Variants in DBN1 observed in about 807,000 individuals in gnomAD.
The protein encoded by DBN1 is drebrin.
In DBN1, 21 loss-of-function variants were observed where a neutral mutation model predicts 83.5. That is an observed-to-expected ratio of 0.25 (90% CI 0.18 to 0.36). DBN1 has a LOEUF of 0.36. DBN1 is among the 10% of genes least tolerant of loss of function. The pLI, the probability that DBN1 is intolerant of heterozygous loss-of-function variation, is 1.00. For synonymous variants in DBN1, 381 were observed against 384.9 expected, an observed-to-expected ratio of 0.99 and a Z score of 0.12; for missense variants, 874 against 935.7, an observed-to-expected ratio of 0.93 and a Z score of 0.86.
chr5:177,473,339 CT>C (rs1336754485), intron 1 of DBN1, 96 bp downstream of exon 1: 5 of 715,066 alleles, frequency 7.0e-6, no homozygotes, highest in Non-Finnish European at 1.0e-5. Flanking sequence ...CGGGGTCCCC[CT>C]CCCTTCCCGG....
At position 177,457,478 on chromosome 5, in the gene DBN1, T is replaced by C; in HGVS notation, c.2043A>G (p.Ala681=). The part of the protein sequence containing the change: ...PPEIDITCWD[A]DPVPEEEEGF... ...CCTCCTCCTCTTCTGGAACTGGGTC[T>C]GCATCCCAGCATGTGATGTCGATCT... is the stretch of plus-strand genomic sequence containing the variant. Residue 681 remains alanine (A), a synonymous_variant, in exon 15 of 15, where the codon GCA becomes GCG. Coordinates refer to ENST00000393565, the MANE Select transcript of DBN1 (RefSeq NM_001363541.2). 6.2e-7 allele frequency: 1 copy of C among 1,614,174 alleles called. No individual in the cohort carries two copies. The highest frequency in any genetic ancestry group is 1.1e-5 in the South Asian group (1 of 91,082).
At position 177,467,618 on chromosome 5, in the gene DBN1, C is replaced by T. The variant is rs752861304; in HGVS notation, c.340G>A (p.Val114Met). Residue 114 changes from valine (V) to methionine (M), a missense_variant, in exon 5 of 15, where the codon GTG (valine) becomes ATG (methionine). By Grantham distance (21) the Val-to-Met change is conservative (BLOSUM62 1). This residue lies in a region of DBN1 where 65 missense variants were observed against 97.3 expected (regional missense o/e 0.67). Transcript: ENST00000393565. The surrounding 1 kb of genome is among the most constrained non-coding windows in gnomAD (Gnocchi z 9.1). ...TCCACGCTGCTGGCGTTCACGATCA[C>T]GTCGACACCCTTCCGCAAGAAGACG... ...KVAEFFQGVDVIVNASSVEDI... is the reference protein window; with the variant it reads ...KVAEFFQGVDMIVNASSVEDI... 7.6e-6 allele frequency: 12 copies of T among 1,572,864 alleles called. No homozygotes were observed. The highest frequency in any genetic ancestry group is 2.3e-5 in the South Asian group (2 of 86,374).
chr5:177,466,567 A>G lies in DBN1; in HGVS notation c.771+205T>C, dbSNP rs1303419399. ...TCCAATCTAGAGCACAAGCTTCTCCAAAGTAGTCTTTTTCCACGGCCAGAG... is the reference window on the plus strand; with the variant it reads ...TCCAATCTAGAGCACAAGCTTCTCCGAAGTAGTCTTTTTCCACGGCCAGAG... On this transcript the variant is annotated intron_variant, in intron 8 of 14. Coordinates refer to ENST00000393565, the MANE Select transcript of DBN1 (RefSeq NM_001363541.2). This position sits in a 1 kb window ranked among gnomAD's most constrained non-coding sequence, Gnocchi z 4.8. Among the ~76,000 whole-genome samples the G allele has an allele frequency of 6.6e-6, 1 of 152,206 alleles. No homozygotes were observed. Among genetic ancestry groups the G allele is most frequent in the Non-Finnish European group, 1.5e-5 (1 of 68,034 alleles).
chr5:177,471,734 T>C (rs548160421), intron 1 of DBN1, among the ~76,000 whole-genome samples: 4 of 152,068 alleles, frequency 2.6e-5, no homozygotes, highest in Non-Finnish European at 5.9e-5. Context: ...ACAACCCAGA[T>C]GGGGGCTGAC....
Position 177,466,638 on chromosome 5 carries a change from A to C in DBN1, c.771+134T>G, listed in dbSNP as rs1581730313. The C allele has an allele frequency of 9.9e-7, 1 of 1,006,392 alleles. No homozygotes were observed. Among genetic ancestry groups the C allele is most frequent in the Non-Finnish European group, 1.6e-6 (1 of 636,120 alleles). The allele number at this position is 1,006,392 out of a possible 1,614,324, so 62.3% of individuals were successfully genotyped here. A position where few individuals can be genotyped will look rare whatever the true frequency, so the allele number is the denominator to read the frequency against. On this transcript the variant is annotated intron_variant, in intron 8 of 14. Transcript: ENST00000393565. This position sits in a 1 kb window ranked among gnomAD's most constrained non-coding sequence, Gnocchi z 4.8. ...GGTGCCAGGCCTCATGCTCCATGGC[A>C]CCCTGTGCCCATGCAGCTCCCCAGA...
chr5:177,471,026 C>A (rs1757806686), intron 1 of DBN1, among the ~76,000 whole-genome samples: 1 of 152,090 alleles, frequency 6.6e-6, no homozygotes, highest in African/African-American at 2.4e-5. Context: ...GTCCAGCACA[C>A]CGCATACCAG....
At chr5:177,470,539 A>T (rs1403083665) in intron 1 of DBN1, among the ~76,000 whole-genome samples, 2 of 151,928 alleles carry the variant, frequency 1.3e-5, no homozygotes, top group African/African-American at 4.8e-5. Context: ...CTGCCTTTCC[A>T]TTGGACCACC....
chr5:177,465,760 C>T (rs578161595), intron 8 of DBN1, among the ~76,000 whole-genome samples: 2 of 149,896 alleles, frequency 1.3e-5, no homozygotes, highest in Admixed American at 6.7e-5. Flanking sequence ...GAGGCTGAGG[C>T]GGGAGAATCG....
chr5:177,459,156 C>T lies in DBN1; in HGVS notation c.1206G>A (p.Leu402=), dbSNP rs747305657. 50 of 1,610,950 alleles carry T rather than the reference C, an allele frequency of 3.1e-5. No homozygotes were observed. Among genetic ancestry groups the T allele is most frequent in the Admixed American group, 2.2e-4 (13 of 59,528 alleles). ...GAGGCTGCGAGGAGGTGACCTCATC[C>T]AGGGCCCGCTCTATCTGCTCAGCGA... ...TPVAEQIERA[L]DEVTSSQPPP... is the part of the protein sequence containing the mutation. The change falls in exon 12 of 15, where the codon CTG becomes CTA. Residue 402 remains leucine (L), a synonymous_variant. Transcript: ENST00000393565.
At position 177,467,200 on chromosome 5, in the gene DBN1, G is replaced by A. The variant is rs1040286218; in HGVS notation, c.555+55C>T. On this transcript the variant is annotated intron_variant, in intron 6 of 14. Coordinates refer to ENST00000393565, the MANE Select transcript of DBN1 (RefSeq NM_001363541.2). This position sits in a 1 kb window ranked among gnomAD's most constrained non-coding sequence, Gnocchi z 9.1. ...CCACTGCAGTGAGGGACTCAGACCT[G>A]CCCCATGGGGTCCATGAGGGGTGGC... The A allele has an allele frequency of 1.9e-6, 3 of 1,600,936 alleles. No individual in the cohort carries two copies. Among genetic ancestry groups the A allele is most frequent in the African/African-American group, 2.7e-5 (2 of 74,700 alleles).
intron 12 of DBN1, 129 bp downstream of exon 12, chr5:177,458,969 G>C (rs932226844): frequency 6.9e-7 from 1 of 1,454,204 alleles, no homozygotes; most frequent in Non-Finnish European, 9.1e-7. Context: ...CCACACAGCC[G>C]CCTCCAGGGC....
chr5:177,459,842 A>C, intron 10 of DBN1, 102 bp from the exon 11 acceptor site: 1 of 1,290,794 alleles, frequency 7.7e-7, no homozygotes, highest in African/African-American at 1.5e-5. Context: ...CTGGCCCTGG[A>C]TGTCCAAGCT....
In DBN1 at chr5:177,467,060, C is replaced by T; in HGVS notation, c.558G>A (p.Lys186=). Residue 186 remains lysine (K), a splice_region_variant and synonymous_variant, in exon 7 of 15, where the codon AAG becomes AAA. Transcript: ENST00000393565. The surrounding 1 kb of genome is among the most constrained non-coding windows in gnomAD (Gnocchi z 9.1). ...NREQFWEQAK[K]EEELRKEEER... ...CCTCCTCCTTCCGCAGCTCTTCTTCCTTCTGCAAGCCCCGGTGCGAACAAG... is the reference window on the plus strand; with the variant it reads ...CCTCCTCCTTCCGCAGCTCTTCTTCTTTCTGCAAGCCCCGGTGCGAACAAG... 1 of 1,613,836 alleles carries T rather than the reference C, an allele frequency of 6.2e-7. No individual in the cohort carries two copies. Among genetic ancestry groups the T allele is most frequent in the East Asian group, 2.2e-5 (1 of 44,872 alleles).
intron 8 of DBN1, chr5:177,462,487 T>A: frequency 5.1e-6 from 4 of 780,434 alleles, no homozygotes; most frequent in Non-Finnish European, 6.2e-6. Context: ...TCCACCACGA[T>A]GACACCACAT....
At position 177,467,571 on chromosome 5, in the gene DBN1, G is replaced by A. The variant is rs745400547; in HGVS notation, c.387C>T (p.Ile129=). ...SSVEDIDAGA[I]GQRLSNGLAR... is the part of the protein sequence containing the mutation. ...CCAGCCCGTTAGAGAGCCGCTGCCC[G>A]ATGGCACCCGCGTCTATGTCTTCCA... The change falls in exon 5 of 15, where the codon ATC becomes ATT. Residue 129 remains isoleucine, a synonymous_variant. Transcript: ENST00000393565. The surrounding 1 kb of genome is among the most constrained non-coding windows in gnomAD (Gnocchi z 9.1). 27 of 1,566,340 alleles carry A rather than the reference G, an allele frequency of 1.7e-5. No individual in the cohort carries two copies. Among genetic ancestry groups the A allele is most frequent in the East Asian group, 4.8e-5 (2 of 42,028 alleles).
In DBN1 at chr5:177,459,187, G is replaced by A. The variant is rs1274714017; in HGVS notation, c.1175C>T (p.Thr392Ile). 8 of 1,611,492 alleles carry A rather than the reference G, an allele frequency of 5.0e-6. No homozygotes were observed. The highest frequency in any genetic ancestry group is 1.1e-5 in the South Asian group (1 of 90,938). The change falls in exon 12 of 15, where the codon ACC becomes ATC. Residue 392 changes from threonine (T) to isoleucine (I), a missense_variant. Transcript: ENST00000393565. ...CCGCTCTATCTGCTCAGCGACAGGG[G>A]TGGAGGCGGTGCTGGAGTCAGACGG... ...RSPSDSSTASTPVAEQIERAL... is the reference protein window; with the variant it reads ...RSPSDSSTASIPVAEQIERAL...
chr5:177,460,602 T>C (rs754980482), intron 9 of DBN1, 42 bp downstream of exon 9: 7 of 1,614,144 alleles, frequency 4.3e-6, no homozygotes, highest in Non-Finnish European at 5.9e-6. Context: ...CAAGCTGAGA[T>C]AGCCCTGTCT....
At chr5:177,457,925 G>A in intron 13 of DBN1, 133 bp downstream of exon 13, 1 of 1,319,956 alleles carries the variant, frequency 7.6e-7, no homozygotes, top group East Asian at 2.4e-5. Flanking sequence ...GAGGGAGGGT[G>A]GGATGGACTT....
chr5:177,461,191 C>T (rs1031656365), intron 8 of DBN1, among the ~76,000 whole-genome samples: 6 of 145,486 alleles, frequency 4.1e-5, no homozygotes, highest in African/African-American at 7.6e-5. Flanking sequence ...CTCCGCCTCC[C>T]GGGTTCACGC....
Sources: allele counts gnomAD v4.1 joint callset (sites outside exome capture counted in the v4.1 genomes callset), GRCh38; gene constraint gnomAD v4.1.1; regional missense constraint gnomAD v4.1.1; non-coding constraint Gnocchi (gnomAD v3.1); transcripts MANE v1.5; gene names NCBI Gene and HGNC (gene_info 2026-07-23, HGNC 2026-07-21).